AGBL4: variants seen among roughly 807,000 people sequenced by gnomAD.
The protein encoded by AGBL4 is AGBL carboxypeptidase 4, also known as cytosolic carboxypeptidase 6.
In AGBL4, 58 loss-of-function variants were observed where a neutral mutation model predicts 66.4. That is an observed-to-expected ratio of 0.87 (90% confidence interval 0.71 to 1.09). The LOEUF is 1.09. Among genes scored for constraint, AGBL4 ranks in the 50% least tolerant of loss-of-function variants. The probability of loss-of-function intolerance (pLI) is 0.00; values close to 1 mark genes in which losing one functional copy is unlikely to be tolerated. For synonymous variants in AGBL4, 234 were observed against 222.9 expected (o/e 1.05, Z -0.44); for missense variants, 579 against 631.0 (o/e 0.92, Z 0.88).
chr1:48,718,400 C>A (rs1034608332), intron 6 of AGBL4, among the ~76,000 whole-genome samples: 3 of 152,184 alleles, frequency 2.0e-5, no homozygotes, highest in Admixed American at 2.0e-4. Context: ...CCTATAAACA[C>A]CTCCCAAAGC....
intron 4 of AGBL4, among the ~76,000 whole-genome samples, chr1:49,110,875 T>G (rs1014402307): frequency 6.6e-6 from 1 of 152,166 alleles, no homozygotes; most frequent in Non-Finnish European, 1.5e-5. Context: ...ATTTTCTGAT[T>G]TTTATGTGGG....
intron 2 of AGBL4, among the ~76,000 whole-genome samples, chr1:49,833,133 G>C (rs1021129774): frequency 1.8e-4 from 27 of 151,972 alleles, no homozygotes; most frequent in East Asian, 3.9e-4. Context: ...TTAGGTCTAA[G>C]GTTTAAGTCT....
At chr1:49,664,013 A>C (rs1646317743) in intron 3 of AGBL4, among the ~76,000 whole-genome samples, 1 of 152,074 alleles carries the variant, frequency 6.6e-6, no homozygotes, top group South Asian at 2.1e-4. Flanking sequence ...TTCAAACAAG[A>C]GTAGTAATAA....
intron 2 of AGBL4, among the ~76,000 whole-genome samples, chr1:49,792,029 T>C (rs1644613848): frequency 6.6e-6 from 1 of 152,094 alleles, no homozygotes; most frequent in Admixed American, 6.6e-5. Flanking sequence ...CAGTAAATTT[T>C]CTATTTATAA....
intron 3 of AGBL4, among the ~76,000 whole-genome samples, chr1:49,362,162 G>T (rs1316682817): frequency 6.6e-6 from 1 of 152,060 alleles, no homozygotes; most frequent in East Asian, 1.9e-4. Context: ...CTGAATTTCA[G>T]TGATTTCTAT....
chr1:49,133,920 T>G (rs546224271), intron 4 of AGBL4, among the ~76,000 whole-genome samples: 1 of 152,122 alleles, frequency 6.6e-6, no homozygotes, highest in Admixed American at 6.6e-5. Context: ...TATGTGTATA[T>G]TCTAATACAT....
chr1:49,472,748 T>C (rs1158228156), intron 3 of AGBL4, among the ~76,000 whole-genome samples: 2 of 151,988 alleles, frequency 1.3e-5, no homozygotes, highest in Non-Finnish European at 2.9e-5. Context: ...GTATTGGGTT[T>C]CTAACAATTC....
At chr1:48,909,032 T>C (rs564382248) in intron 5 of AGBL4, among the ~76,000 whole-genome samples, 2 of 152,258 alleles carry the variant, frequency 1.3e-5, no homozygotes, top group South Asian at 4.2e-4. Context: ...GGATTTAGCA[T>C]GCACTTATAT....
chr1:49,566,495 T>C (rs572137625), intron 3 of AGBL4, among the ~76,000 whole-genome samples: 2 of 152,318 alleles, frequency 1.3e-5, no homozygotes, highest in East Asian at 1.9e-4. Context: ...GTCCTTTCTG[T>C]TTGCTAGTTT....
At chr1:48,925,967 G>A (rs755011804) in intron 5 of AGBL4, among the ~76,000 whole-genome samples, 1 of 152,128 alleles carries the variant, frequency 6.6e-6, no homozygotes, top group Non-Finnish European at 1.5e-5. Flanking sequence ...TTCTCATTAT[G>A]AGGTAATGGT....
At chr1:49,240,551 C>CTTTTTTT (rs34162300) in intron 4 of AGBL4, among the ~76,000 whole-genome samples, 1 of 123,716 alleles carries the variant, frequency 8.1e-6, no homozygotes. Flanking sequence ...ACTGCATTTT[C>CTTTTTTT]TTTTTTTTTT....
At chr1:49,142,297 G>C (rs1481349294) in intron 4 of AGBL4, among the ~76,000 whole-genome samples, 1 of 151,992 alleles carries the variant, frequency 6.6e-6, no homozygotes. Flanking sequence ...TATCCCACCT[G>C]TAAACATTTC....
At chr1:50,004,420 G>A (rs1660984519) in intron 1 of AGBL4, among the ~76,000 whole-genome samples, 1 of 152,182 alleles carries the variant, frequency 6.6e-6, no homozygotes, top group South Asian at 2.1e-4. Context: ...TGGAGACACT[G>A]TGAGAAACCA....
At chr1:49,908,187 C>G (rs1049705285) in intron 1 of AGBL4, among the ~76,000 whole-genome samples, 64 of 151,392 alleles carry the variant, frequency 4.2e-4, no homozygotes, top group African/African-American at 1.6e-3. Context: ...CCAGCCTGGG[C>G]AAAATAAATG....
chr1:49,731,420 T>C (rs1332441500), intron 2 of AGBL4, among the ~76,000 whole-genome samples: 1 of 152,222 alleles, frequency 6.6e-6, no homozygotes, highest in Non-Finnish European at 1.5e-5. Context: ...TTATTTATGT[T>C]GTTAGTTTAA....
At chr1:49,904,774 C>CT (rs748542777) in intron 1 of AGBL4, among the ~76,000 whole-genome samples, 1 of 152,170 alleles carries the variant, frequency 6.6e-6, no homozygotes, top group Non-Finnish European at 1.5e-5. Context: ...CTGTGAAAAA[C>CT]TTTAAGTTCT....
chr1:48,653,314 A>AT, intron 8 of AGBL4, 23 bp downstream of exon 8: 1 of 1,527,184 alleles, frequency 6.5e-7, no homozygotes, highest in Non-Finnish European at 8.9e-7. Flanking sequence ...ACTTGCTTCC[A>AT]AGCATTCTCC....
chr1:49,515,992 A>T (rs1348585692), intron 3 of AGBL4, among the ~76,000 whole-genome samples: 1 of 151,586 alleles, frequency 6.6e-6, no homozygotes, highest in African/African-American at 2.4e-5. Flanking sequence ...TACATCTGTA[A>T]CTAACCTGCA....
chr1:49,279,472 C>G (rs1320322262), intron 3 of AGBL4, among the ~76,000 whole-genome samples: 1 of 151,964 alleles, frequency 6.6e-6, no homozygotes, highest in African/African-American at 2.4e-5. Flanking sequence ...TGGAAACAAA[C>G]AGAGAAAGCA....
Sources: allele counts gnomAD v4.1 joint callset (sites outside exome capture counted in the v4.1 genomes callset), GRCh38; gene constraint gnomAD v4.1.1; transcripts MANE v1.5; gene names NCBI Gene and HGNC (gene_info 2026-07-23, HGNC 2026-07-21).